Variants in ELMO1 observed in about 807,000 individuals in gnomAD.
ELMO1 encodes engulfment and cell motility protein 1.
In ELMO1, 26 loss-of-function variants were observed where a neutral mutation model predicts 98.9. The ratio of observed to expected loss-of-function variants is 0.26; its 90% confidence interval spans 0.19 to 0.36. The LOEUF is 0.36. ELMO1 is among the 10% of genes least tolerant of loss of function. The pLI is 1.00. For missense variants in ELMO1, 627 were observed against 935.2 expected, an observed-to-expected ratio of 0.67 and a Z score of 4.30; for synonymous variants, 346 against 346.0, an observed-to-expected ratio of 1.00 and a Z score of 0.00.
rs1789846341 is a variant in ELMO1, at chr7:36,970,514, A to G, written c.1437+42785T>C. On this transcript the variant is annotated intron_variant, in intron 16 of 21. Transcript: ENST00000310758. The stretch of plus-strand genomic sequence containing the variant: ...TGGTTAACTAGCTAATGTTGCTTAC[A>G]ATCTTATAAGCTTTTCACTGTTTTC... 2.6e-5 allele frequency among the ~76,000 whole-genome samples: 4 copies of G among 152,338 alleles called. No homozygotes were observed. The South Asian group carries it at 8.3e-4, about 32-fold the overall frequency.
In ELMO1 at chr7:37,122,535, G is replaced by A. The variant is rs145490917; in HGVS notation, c.1191+10595C>T. Among the ~76,000 whole-genome samples the A allele has an allele frequency of 7.2e-3, 1,089 of 151,974 alleles. 12 individuals are homozygous for A. Among genetic ancestry groups the A allele is most frequent in the African/African-American group, 0.024 (1,010 of 41,448 alleles). On this transcript the variant is annotated intron_variant, in intron 14 of 21. Coordinates refer to ENST00000310758, the MANE Select transcript of ELMO1 (RefSeq NM_014800.11). ...TAAAGCAACAAAGATCAAAAGAGAC[G>A]AAGAAGGCCATTACACAATGGTAAA...
chr7:37,164,403 G>C (rs1157353285), intron 13 of ELMO1, among the ~76,000 whole-genome samples: 2 of 152,078 alleles, frequency 1.3e-5, no homozygotes, highest in Non-Finnish European at 1.5e-5. Flanking sequence ...TAGACATGAA[G>C]TCCTTGCCCA....
intron 1 of ELMO1, among the ~76,000 whole-genome samples, chr7:37,372,072 C>T (rs1278311973): frequency 6.6e-6 from 1 of 151,966 alleles, no homozygotes; most frequent in Non-Finnish European, 1.5e-5. Flanking sequence ...ACCATTTAGT[C>T]ATTCTCTTGA....
rs959080041 is a variant in ELMO1, at chr7:37,189,047, T to G, written c.1086+22339A>C. Among the ~76,000 whole-genome samples the G allele has an allele frequency of 9.1e-4, 139 of 152,226 alleles. 1 individual carries two copies. Among genetic ancestry groups the G allele is most frequent in the African/African-American group, 3.2e-3 (132 of 41,462 alleles). On this transcript the variant is annotated intron_variant, in intron 13 of 21. Coordinates refer to ENST00000310758, the MANE Select transcript of ELMO1 (RefSeq NM_014800.11). ...GTGCTTCTAGTGATTAAGCTGTAGG[T>G]GTATTTGCTGTGGCACTGTATATAA...
intron 15 of ELMO1, among the ~76,000 whole-genome samples, chr7:37,029,715 T>G (rs1251788944): frequency 6.6e-6 from 1 of 152,190 alleles, no homozygotes; most frequent in Non-Finnish European, 1.5e-5. Flanking sequence ...GAGTCTACTT[T>G]TTCATTCTCC....
chr7:37,068,882 A>G (rs552145423), intron 15 of ELMO1, among the ~76,000 whole-genome samples: 8 of 152,328 alleles, frequency 5.3e-5, no homozygotes, highest in African/African-American at 1.9e-4. Flanking sequence ...ATTGAAGGCT[A>G]TAAATCTTAA....
At chr7:37,364,419 G>C (rs1801817783) in intron 1 of ELMO1, among the ~76,000 whole-genome samples, 1 of 152,166 alleles carries the variant, frequency 6.6e-6, no homozygotes, top group Non-Finnish European at 1.5e-5. Context: ...GAGATCTCCT[G>C]AAGAGTTTTA....
intron 13 of ELMO1, among the ~76,000 whole-genome samples, chr7:37,148,647 G>T (rs1311489735): frequency 6.6e-6 from 1 of 152,132 alleles, no homozygotes. Context: ...TTTTAAAAAA[G>T]TCTTTATGAA....
At chr7:37,089,248 C>T (rs1047001173) in intron 15 of ELMO1, among the ~76,000 whole-genome samples, 2 of 152,080 alleles carry the variant, frequency 1.3e-5, no homozygotes, top group Admixed American at 6.5e-5. Flanking sequence ...CAAGGTGCTC[C>T]ACTCGGCACC....
chr7:37,328,156 G>A lies in ELMO1; in HGVS notation c.79-12196C>T, dbSNP rs528600879. On this transcript the variant is annotated intron_variant, in intron 2 of 21. Coordinates refer to ENST00000310758, the MANE Select transcript of ELMO1 (RefSeq NM_014800.11). ...CCAACACTTTGGGAGGCCTAGGTGC[G>A]CAGATCACTTGAGCTCAAGAGTTCG... 6.6e-5 allele frequency among the ~76,000 whole-genome samples: 10 copies of A among 152,186 alleles called. No homozygotes were observed. In the South Asian group the frequency reaches 1.4e-3, roughly 22 times the overall value.
At chr7:37,057,894 C>T (rs1394499634) in intron 15 of ELMO1, among the ~76,000 whole-genome samples, 1 of 152,232 alleles carries the variant, frequency 6.6e-6, no homozygotes, top group African/African-American at 2.4e-5. Context: ...TTACCAACTT[C>T]CTATTGTGTC....
At position 36,897,325 on chromosome 7, in the gene ELMO1, C is replaced by CAT. The variant is rs1554351186; in HGVS notation, c.1438-2309_1438-2308insAT. On this transcript the variant is annotated intron_variant, in intron 16 of 21. Coordinates refer to ENST00000310758, the MANE Select transcript of ELMO1 (RefSeq NM_014800.11). ...TCAGTAGTAGGACAAAGAAAACAGA[C>CAT]GTGTGTGTGTGTGTGTGTGTGTGTG... Among the ~76,000 whole-genome samples the CAT allele has an allele frequency of 8.3e-3, 392 of 47,000 alleles. 2 individuals carry two copies. Among genetic ancestry groups the CAT allele is most frequent in the African/African-American group, 0.021 (373 of 17,512 alleles). The allele number at this position is 47,000 out of a possible 152,430, so 30.8% of individuals were successfully genotyped here.
chr7:37,226,252 ACTT>A (rs1471552345), intron 8 of ELMO1, among the ~76,000 whole-genome samples: 1 of 152,150 alleles, frequency 6.6e-6, no homozygotes, highest in African/African-American at 2.4e-5. Context: ...TAAAATACAA[ACTT>A]CAGGAAGAGT....
intron 16 of ELMO1, among the ~76,000 whole-genome samples, chr7:36,964,369 T>C (rs1456026363): frequency 6.6e-6 from 1 of 152,166 alleles, no homozygotes; most frequent in African/African-American, 2.4e-5. Context: ...TAACGTAAAG[T>C]ATATTTTATA....
chr7:37,443,152 T>C (rs1214221901), intron 1 of ELMO1, among the ~76,000 whole-genome samples: 3 of 152,164 alleles, frequency 2.0e-5, no homozygotes, highest in African/African-American at 7.2e-5. Context: ...TTTATAGGGC[T>C]TACCTGATTT....
At chr7:37,123,059 T>C (rs550767762) in intron 14 of ELMO1, among the ~76,000 whole-genome samples, 3,684 of 148,496 alleles carry the variant, frequency 0.025, 143 homozygotes, top group African/African-American at 0.081. Flanking sequence ...AAAATGAAAG[T>C]AGAAATAAAG....
intron 4 of ELMO1, among the ~76,000 whole-genome samples, chr7:37,298,323 T>C (rs1255659789): frequency 6.7e-6 from 1 of 150,146 alleles, no homozygotes; most frequent in African/African-American, 2.5e-5. Context: ...TTTATTATAC[T>C]TTAAGTTTTA....
chr7:37,090,839 T>C (rs1413529368), intron 15 of ELMO1, among the ~76,000 whole-genome samples: 2 of 152,214 alleles, frequency 1.3e-5, no homozygotes, highest in East Asian at 3.8e-4. Context: ...CATTTATTTA[T>C]GTGAAGGACC....
intron 1 of ELMO1, among the ~76,000 whole-genome samples, chr7:37,410,838 GT>G (rs1412098807): frequency 6.6e-6 from 1 of 152,190 alleles, no homozygotes; most frequent in Non-Finnish European, 1.5e-5. Flanking sequence ...AGTGGAAAGA[GT>G]TTTTAGCTAA....
Sources: allele counts gnomAD v4.1 joint callset (sites outside exome capture counted in the v4.1 genomes callset), GRCh38; gene constraint gnomAD v4.1.1; transcripts MANE v1.5; gene names NCBI Gene and HGNC (gene_info 2026-07-23, HGNC 2026-07-21).